RALGPS2: variants seen among roughly 807,000 people sequenced by gnomAD.
The protein encoded by RALGPS2 is ras-specific guanine nucleotide-releasing factor RalGPS2.
Under a neutral mutation model 86.8 loss-of-function variants are expected in RALGPS2, and 43 were observed. That is an observed-to-expected ratio of 0.50 (90% CI 0.39 to 0.64). RALGPS2 has a LOEUF of 0.64. RALGPS2 is among the 30% of genes least tolerant of loss of function. RALGPS2 has a pLI of 0.00. For synonymous variants in RALGPS2, 243 were observed against 231.3 expected (o/e 1.05, Z -0.46); for missense variants, 536 against 694.6 (o/e 0.77, Z 2.57).
At chr1:178,851,613 T>C (rs1482795933) in intron 8 of RALGPS2, among the ~76,000 whole-genome samples, 1 of 151,878 alleles carries the variant, frequency 6.6e-6, no homozygotes, top group Non-Finnish European at 1.5e-5. Flanking sequence ...TGTGAAAGAG[T>C]TACAGAGGGA....
In RALGPS2 at chr1:178,898,250, A is replaced by G. The variant is rs1045035291; in HGVS notation, c.1524+494A>G. Among the ~76,000 whole-genome samples the G allele has an allele frequency of 4.6e-5, 7 of 152,158 alleles. No homozygotes were observed. The South Asian group carries it at 1.0e-3, about 22-fold the overall frequency. On this transcript the variant is annotated intron_variant, in intron 17 of 19. Transcript: ENST00000367635. ...TTTTTGCATGCTGTTTTGTTTTTAC[A>G]TACCAGTGATAGAATCTTTGAAAGG...
intron 16 of RALGPS2, among the ~76,000 whole-genome samples, chr1:178,895,917 G>T (rs1659920392): frequency 6.6e-6 from 1 of 151,970 alleles, no homozygotes; most frequent in Non-Finnish European, 1.5e-5. Flanking sequence ...GGAGTCATTA[G>T]CATACAGATA....
intron 1 of RALGPS2, among the ~76,000 whole-genome samples, chr1:178,765,687 G>A (rs1302332552): frequency 6.6e-6 from 1 of 151,982 alleles, no homozygotes; most frequent in African/African-American, 2.4e-5. Context: ...TGGGAGACAG[G>A]GGCTTATTTC....
intron 8 of RALGPS2, among the ~76,000 whole-genome samples, chr1:178,864,582 T>C (rs1658254005): frequency 6.6e-6 from 1 of 152,048 alleles, no homozygotes; most frequent in South Asian, 2.1e-4. Flanking sequence ...AGGAAGTAAA[T>C]AAAAGAATTG....
chr1:178,856,202 G>GAGAGAGAGATATATAT (rs1428022812), intron 8 of RALGPS2, among the ~76,000 whole-genome samples: 4 of 83,912 alleles, frequency 4.8e-5, no homozygotes, highest in African/African-American at 2.6e-4. Flanking sequence ...GAGAGAGAGA[G>GAGAGAGAGATATATAT]ATATATATAT....
chr1:178,889,369 T>G (rs1264722379), intron 13 of RALGPS2, among the ~76,000 whole-genome samples: 1 of 152,096 alleles, frequency 6.6e-6, no homozygotes, highest in African/African-American at 2.4e-5. Context: ...AAAAATTGTT[T>G]ATTGACATAA....
At chr1:178,872,118 C>G (rs1254725872) in intron 8 of RALGPS2, among the ~76,000 whole-genome samples, 3 of 152,192 alleles carry the variant, frequency 2.0e-5, no homozygotes, top group Non-Finnish European at 1.5e-5. Flanking sequence ...CTGTAAGCTG[C>G]TTCTAGATAA....
intron 1 of RALGPS2, chr1:178,747,206 A>G: frequency 1.6e-6 from 2 of 1,284,902 alleles, no homozygotes; most frequent in South Asian, 2.4e-5. Context: ...ACTACGGTGG[A>G]TCACCACAGG....
Position 178,877,562 on chromosome 1 carries a change from A to C in RALGPS2, c.672A>C (p.Glu224Asp). 6.2e-7 allele frequency: 1 copy of C among 1,613,610 alleles called. No individual in the cohort carries two copies. Among genetic ancestry groups the C allele is most frequent in the Non-Finnish European group, 8.5e-7 (1 of 1,179,626 alleles). ...SAYPSTGSIL[E>D]NEQRSNLMNN... ...ACCCATCAACTGGCAGCATTCTAGAAAATGAGCAAAGATCAAATTTAATGA... is the reference window on the plus strand; with the variant it reads ...ACCCATCAACTGGCAGCATTCTAGACAATGAGCAAAGATCAAATTTAATGA... The change falls in exon 9 of 20, where the codon GAA becomes GAC. Residue 224 changes from glutamate to aspartate, a missense_variant. This residue lies in a region of RALGPS2 where 184 missense variants were observed against 296.7 expected (regional missense o/e 0.62). Transcript: ENST00000367635.
chr1:178,791,722 A>C (rs1325072052), intron 4 of RALGPS2, among the ~76,000 whole-genome samples: 1 of 152,020 alleles, frequency 6.6e-6, no homozygotes, highest in Non-Finnish European at 1.5e-5. Context: ...TGCATTTTCA[A>C]CTCTCGTATG....
intron 8 of RALGPS2, among the ~76,000 whole-genome samples, chr1:178,869,728 T>A (rs769691975): frequency 1.3e-5 from 2 of 152,146 alleles, no homozygotes; most frequent in Non-Finnish European, 2.9e-5. Flanking sequence ...CATTATTTGC[T>A]TGTTCAAGAT....
intron 16 of RALGPS2, 55 bp from the exon 17 acceptor site, chr1:178,897,609 A>C: frequency 7.0e-7 from 1 of 1,424,582 alleles, no homozygotes; most frequent in Non-Finnish European, 9.9e-7. Flanking sequence ...GAATGTAAAG[A>C]AACTAAGAAG....
intron 16 of RALGPS2, among the ~76,000 whole-genome samples, chr1:178,895,001 C>T (rs968057675): frequency 1.3e-5 from 2 of 151,792 alleles, no homozygotes; most frequent in African/African-American, 4.8e-5. Context: ...TCCTGTAATA[C>T]AGTTTTGTTT....
intron 15 of RALGPS2, among the ~76,000 whole-genome samples, chr1:178,892,862 G>A (rs1160708135): frequency 6.6e-6 from 1 of 152,042 alleles, no homozygotes; most frequent in Non-Finnish European, 1.5e-5. Context: ...TATTGATTGG[G>A]AACGTGGGGT....
At chr1:178,775,968 A>C (rs1653063420) in intron 1 of RALGPS2, among the ~76,000 whole-genome samples, 1 of 151,616 alleles carries the variant, frequency 6.6e-6, no homozygotes, top group African/African-American at 2.4e-5. Flanking sequence ...ACATGTACAG[A>C]CTTTTCCTTG....
At chr1:178,783,523 G>T (rs1388109680) in intron 2 of RALGPS2, among the ~76,000 whole-genome samples, 1 of 152,128 alleles carries the variant, frequency 6.6e-6, no homozygotes, top group Non-Finnish European at 1.5e-5. Flanking sequence ...TCGATACTTC[G>T]TATTTAGCTG....
chr1:178,820,178 C>T (rs147474309), intron 6 of RALGPS2, among the ~76,000 whole-genome samples: 243 of 152,262 alleles, frequency 1.6e-3, no homozygotes, highest in African/African-American at 5.4e-3. Context: ...GATTTTCCCA[C>T]CTAGTGAACC....
At chr1:178,852,618 A>G (rs1236377375) in intron 8 of RALGPS2, 2 of 1,508,542 alleles carry the variant, frequency 1.3e-6, no homozygotes, top group Non-Finnish European at 1.8e-6. Flanking sequence ...CATATATATT[A>G]GTAGATTCTA....
intron 8 of RALGPS2, among the ~76,000 whole-genome samples, chr1:178,859,689 G>A (rs1391446994): frequency 1.5e-5 from 2 of 133,840 alleles, no homozygotes; most frequent in South Asian, 2.4e-4. Flanking sequence ...CATCATACAC[G>A]AAGCACTTTT....
Sources: gnomAD v4.1 joint callset for allele counts (sites outside exome capture counted in the v4.1 genomes callset) on GRCh38, gnomAD v4.1.1 for gene constraint, gnomAD v4.1.1 regional missense constraint, MANE v1.5 for transcripts, NCBI Gene and HGNC (gene_info 2026-07-23, HGNC 2026-07-21) for gene names.